Variants in AHNAK observed in about 807,000 individuals in gnomAD.
AHNAK encodes the protein AHNAK nucleoprotein, also known as neuroblast differentiation-associated protein AHNAK.
In AHNAK, 23 loss-of-function variants were observed where a neutral mutation model predicts 37.8. That is an observed-to-expected ratio of 0.61 (90% CI 0.44 to 0.86). The LOEUF (loss-of-function observed/expected upper bound fraction) is 0.86. Among genes scored for constraint, AHNAK ranks in the 40% least tolerant of loss-of-function variants. The pLI is 0.00. For missense variants in AHNAK, 7,411 were observed against 7,319.4 expected (o/e 1.01, Z -0.46); for synonymous variants, 2,481 against 2,636.3 (o/e 0.94, Z 1.80).
At chr11:62,454,570 T>G (rs569475214) in intron 5 of AHNAK, among the ~76,000 whole-genome samples, 1 of 152,254 alleles carries the variant, frequency 6.6e-6, no homozygotes, top group East Asian at 1.9e-4. Context: ...CTGACCCTCA[T>G]TCCAGCAATA....
chr11:62,493,817 T>TCTTC (rs1939557041), intron 4 of AHNAK, among the ~76,000 whole-genome samples: 1 of 152,050 alleles, frequency 6.6e-6, no homozygotes, highest in Non-Finnish European at 1.5e-5. Flanking sequence ...AGGTGAACTA[T>TCTTC]CTTCCCTGTT....
intron 5 of AHNAK, among the ~76,000 whole-genome samples, chr11:62,468,673 T>C (rs1938968377): frequency 6.6e-6 from 1 of 152,206 alleles, no homozygotes; most frequent in African/African-American, 2.4e-5. Flanking sequence ...GGAAGTGTCC[T>C]CTGCTTTAGC....
chr11:62,509,778 T>C (rs1044904292), intron 4 of AHNAK, among the ~76,000 whole-genome samples: 1 of 151,832 alleles, frequency 6.6e-6, no homozygotes, highest in African/African-American at 2.4e-5. Flanking sequence ...ATTAGCCAGG[T>C]GTGGTGGCGG....
At position 62,530,861 on chromosome 11, in the gene AHNAK, G is replaced by T. The variant is rs776428348; in HGVS notation, c.3556C>A (p.Pro1186Thr). The T allele has an allele frequency of 9.3e-6, 15 of 1,613,616 alleles. No individual in the cohort carries two copies. Among genetic ancestry groups the T allele is most frequent in the Non-Finnish European group, 1.1e-5 (13 of 1,179,964 alleles). Residue 1186 changes from proline to threonine, a missense_variant, in exon 5 of 5, where the codon CCT becomes ACT. By Grantham distance (38) the Pro-to-Thr change is conservative. Transcript: ENST00000378024. ...TTGGGGGTCTTGAAATGCATCTCAGGCATCTTAAACTTGGGACCCTTCAGC... is the reference window on the plus strand; with the variant it reads ...TTGGGGGTCTTGAAATGCATCTCAGTCATCTTAAACTTGGGACCCTTCAGC... ...GKLKGPKFKMPEMHFKTPKIS... is the reference protein window; with the variant it reads ...GKLKGPKFKMTEMHFKTPKIS...
intron 5 of AHNAK, among the ~76,000 whole-genome samples, chr11:62,470,080 G>A (rs1378787919): frequency 4.6e-5 from 7 of 151,412 alleles, no homozygotes; most frequent in African/African-American, 1.2e-4. Context: ...CAAGGTGGGC[G>A]GATCACAAAG....
chr11:62,453,860 G>A (rs776132831), intron 5 of AHNAK, among the ~76,000 whole-genome samples: 8 of 152,200 alleles, frequency 5.3e-5, no homozygotes, highest in Non-Finnish European at 1.2e-4. Flanking sequence ...GGTGGCTCAC[G>A]CCTGTAATTC....
At chr11:62,445,835 A>G (rs1938413945) in intron 5 of AHNAK, among the ~76,000 whole-genome samples, 1 of 152,058 alleles carries the variant, frequency 6.6e-6, no homozygotes, top group African/African-American at 2.4e-5. Flanking sequence ...TGGCCAACAT[A>G]GTGAAATCCT....
chr11:62,543,496 G>A (rs1227781770), intron 1 of AHNAK, among the ~76,000 whole-genome samples: 2 of 152,202 alleles, frequency 1.3e-5, no homozygotes, highest in Non-Finnish European at 2.9e-5. Flanking sequence ...ACAGTGGGAC[G>A]ACACCTGCAA....
rs753015846 is a variant in AHNAK, at chr11:62,527,042, C to A, written c.7375G>T (p.Asp2459Tyr). ...ATTTTGGGTCCTTTGAGATTTAGAT[C>A]AACATCAGGCATAGAAATATTGGGG... ...KAPNISMPDV[D>Y]LNLKGPKIKG... is the part of the protein sequence containing the mutation. Residue 2459 changes from aspartate to tyrosine, a missense_variant, in exon 5 of 5, where the codon GAT becomes TAT. Physicochemically the swap from Asp to Tyr is radical, Grantham distance 160 (BLOSUM62 -3). Transcript: ENST00000378024. 1.9e-6 allele frequency: 3 copies of A among 1,614,064 alleles called. No individual in the cohort carries two copies. Among genetic ancestry groups the A allele is most frequent in the Non-Finnish European group, 2.5e-6 (3 of 1,180,000 alleles).
At chr11:62,498,868 T>C (rs1442939627) in intron 4 of AHNAK, among the ~76,000 whole-genome samples, 1 of 152,136 alleles carries the variant, frequency 6.6e-6, no homozygotes, top group Non-Finnish European at 1.5e-5. Context: ...GAATATTCAT[T>C]AGGATTGAAA....
Position 62,526,898 on chromosome 11 carries a change from G to A in AHNAK, c.7519C>T (p.His2507Tyr), listed in dbSNP as rs1357096641. The A allele has an allele frequency of 1.2e-6, 2 of 1,614,112 alleles. No homozygotes were observed. Among genetic ancestry groups the A allele is most frequent in the East Asian group, 2.2e-5 (1 of 44,904 alleles). ...NAPDVQAPDW[H>Y]LKMPKMKMPK... ...ATTTTCATCTTGGGCATCTTCAGGTGCCAGTCTGGAGCTTGGACATCGGGG... is the reference window on the plus strand; with the variant it reads ...ATTTTCATCTTGGGCATCTTCAGGTACCAGTCTGGAGCTTGGACATCGGGG... The change falls in exon 5 of 5, where the codon CAC (histidine) becomes TAC (tyrosine). Residue 2507 changes from histidine (H) to tyrosine (Y), a missense_variant. Transcript: ENST00000378024.
intron 4 of AHNAK, among the ~76,000 whole-genome samples, chr11:62,495,741 A>AC (rs1939595893): frequency 7.1e-6 from 1 of 141,264 alleles, no homozygotes; most frequent in Non-Finnish European, 1.5e-5. Flanking sequence ...CCGTCTCAAA[A>AC]AAAAAAAAAA....
intron 1 of AHNAK, among the ~76,000 whole-genome samples, chr11:62,540,826 A>T (rs1277873845): frequency 5.3e-5 from 8 of 152,328 alleles, no homozygotes; most frequent in African/African-American, 1.9e-4. Context: ...TCAGGCCAGA[A>T]GCAGCAAGAG....
Position 62,519,849 on chromosome 11 carries a change from C to G in AHNAK, c.14568G>C (p.Leu4856=). ...CTTTTACTTTGGGTCCTTTCAAATC[C>G]AGGTCAACATCAGGTATGGAGATCT... ...APKISIPDVD[L]DLKGPKVKGD... is the part of the protein sequence containing the mutation. The change falls in exon 5 of 5, where the codon CTG becomes CTC. Residue 4856 remains leucine (L), a synonymous_variant. Coordinates refer to ENST00000378024, the MANE Select transcript of AHNAK (RefSeq NM_001620.3). 1.9e-6 allele frequency: 3 copies of G among 1,614,004 alleles called. No individual in the cohort carries two copies. The highest frequency in any genetic ancestry group is 2.5e-6 in the Non-Finnish European group (3 of 1,179,990).
chr11:62,454,375 T>C (rs928703086), intron 5 of AHNAK, among the ~76,000 whole-genome samples: 4 of 145,542 alleles, frequency 2.7e-5, no homozygotes, highest in African/African-American at 1.0e-4. Context: ...ATCCTGCCAC[T>C]GAACTCCAGC....
chr11:62,467,712 AAC>A (rs1168765629), intron 5 of AHNAK, among the ~76,000 whole-genome samples: 1 of 152,168 alleles, frequency 6.6e-6, no homozygotes, highest in African/African-American at 2.4e-5. Context: ...TGCCTCTTGA[AAC>A]AGTCAAGCCT....
intron 5 of AHNAK, among the ~76,000 whole-genome samples, chr11:62,447,061 A>G (rs146029400): frequency 6.6e-6 from 1 of 152,100 alleles, no homozygotes; most frequent in Non-Finnish European, 1.5e-5. Flanking sequence ...CTATGGAAAC[A>G]GCCCTCTCAA....
At chr11:62,468,549 T>C (rs1490749425) in intron 5 of AHNAK, among the ~76,000 whole-genome samples, 1 of 152,098 alleles carries the variant, frequency 6.6e-6, no homozygotes, top group Non-Finnish European at 1.5e-5. Flanking sequence ...GAATTATTCA[T>C]GCTCAAGTTC....
exon 6 of AHNAK, chr11:62,433,706 T>C (rs1268325902): frequency 1.3e-6 from 1 of 757,258 alleles, no homozygotes; most frequent in African/African-American, 1.7e-5. Context: ...CGGTCTGGCC[T>C]GGCTGGAGCT....
Sources: gnomAD v4.1 joint callset for allele counts (sites outside exome capture counted in the v4.1 genomes callset) on GRCh38, gnomAD v4.1.1 for gene constraint, MANE v1.5 for transcripts, NCBI Gene and HGNC (gene_info 2026-07-23, HGNC 2026-07-21) for gene names.